CNTNAP2: variants seen among roughly 807,000 people sequenced by gnomAD.
The protein encoded by CNTNAP2 is contactin associated protein 2, also known as contactin-associated protein-like 2.
A neutral mutation model predicts 155.2 loss-of-function variants in CNTNAP2; 98 were observed. The ratio of observed to expected loss-of-function variants is 0.63; its 90% CI spans 0.54 to 0.75. The LOEUF (loss-of-function observed/expected upper bound fraction) is 0.75. CNTNAP2 is among the 30% of genes least tolerant of loss of function. CNTNAP2 has a pLI of 0.00. For synonymous variants in CNTNAP2, 651 were observed against 631.2 expected, an observed-to-expected ratio of 1.03 and a Z score of -0.47; for missense variants, 1,727 against 1,688.1, an observed-to-expected ratio of 1.02 and a Z score of -0.40.
intron 1 of CNTNAP2, among the ~76,000 whole-genome samples, chr7:146,494,420 A>T (rs904717050): frequency 6.6e-6 from 1 of 152,078 alleles, no homozygotes; most frequent in Non-Finnish European, 1.5e-5. Flanking sequence ...TTATGAAAAT[A>T]TTGAATAATA....
At position 147,745,098 on chromosome 7, in the gene CNTNAP2, G is replaced by A. The variant is rs372497343; in HGVS notation, c.2098+105792G>A. 7.2e-5 allele frequency among the ~76,000 whole-genome samples: 11 copies of A among 152,324 alleles called. No individual in the cohort carries two copies. In the East Asian group the frequency reaches 1.2e-3, roughly 16 times the overall value. ...TACTCTAACTCAAAGATCTTGGACT[G>A]AGAATCAGGTTGTTTGTGTTCTAAT... is the stretch of plus-strand genomic sequence containing the variant. On this transcript the variant is annotated intron_variant, in intron 13 of 23. Coordinates refer to ENST00000361727, the MANE Select transcript of CNTNAP2 (RefSeq NM_014141.6).
intron 1 of CNTNAP2, among the ~76,000 whole-genome samples, chr7:146,575,120 A>G (rs969792708): frequency 1.3e-5 from 2 of 152,128 alleles, no homozygotes; most frequent in Non-Finnish European, 2.9e-5. Context: ...TGATACATTT[A>G]CACCCTGGTA....
At chr7:147,745,648 A>C (rs1037421738) in intron 13 of CNTNAP2, among the ~76,000 whole-genome samples, 1 of 152,220 alleles carries the variant, frequency 6.6e-6, no homozygotes, top group African/African-American at 2.4e-5. Context: ...CTTTATAACC[A>C]ATCGAGAAAT....
chr7:147,937,223 G>T (rs1008962042), intron 14 of CNTNAP2, among the ~76,000 whole-genome samples: 2 of 152,138 alleles, frequency 1.3e-5, no homozygotes, highest in South Asian at 4.1e-4. Context: ...TGAATCTTGT[G>T]ATCAGCTACT....
In CNTNAP2 at chr7:147,639,111, A is replaced by G. The variant is rs748626316; in HGVS notation, c.1903A>G (p.Lys635Glu). The G allele has an allele frequency of 1.2e-6, 2 of 1,613,968 alleles. No homozygotes were observed. The highest frequency in any genetic ancestry group is 1.3e-5 in the African/African-American group (1 of 74,926). ...LKVYCNMTED[K>E]VWTIVSHDLQ... Reference sequence around the variant, plus strand: ...GGTTGTTTTTCTCCCCACAGAGGACAAAGTGTGGACCATAGTGTCTCATGA... The same window carrying G: ...GGTTGTTTTTCTCCCCACAGAGGACGAAGTGTGGACCATAGTGTCTCATGA... Residue 635 changes from lysine to glutamate, a missense_variant, in exon 13 of 24, where the codon AAA (lysine) becomes GAA (glutamate). Coordinates refer to ENST00000361727, the MANE Select transcript of CNTNAP2 (RefSeq NM_014141.6).
chr7:147,906,041 C>T (rs977562825), intron 14 of CNTNAP2, among the ~76,000 whole-genome samples: 1 of 152,120 alleles, frequency 6.6e-6, no homozygotes, highest in African/African-American at 2.4e-5. Flanking sequence ...GACACTCGCC[C>T]TTGCATGGTG....
chr7:146,153,283 G>C (rs562975914), intron 1 of CNTNAP2, among the ~76,000 whole-genome samples: 12 of 152,082 alleles, frequency 7.9e-5, no homozygotes, highest in African/African-American at 2.9e-4. Flanking sequence ...ACAGTTACAC[G>C]TTCCAACCAG....
chr7:146,408,722 T>C (rs1331348027), intron 1 of CNTNAP2, among the ~76,000 whole-genome samples: 1 of 151,918 alleles, frequency 6.6e-6, no homozygotes, highest in African/African-American at 2.4e-5. Context: ...TGAATACATA[T>C]GTAACAAACC....
At chr7:147,412,884 G>C (rs1797127782) in intron 10 of CNTNAP2, among the ~76,000 whole-genome samples, 1 of 152,174 alleles carries the variant, frequency 6.6e-6, no homozygotes, top group Non-Finnish European at 1.5e-5. Context: ...CAGAATGCCT[G>C]AGAAAACATT....
chr7:147,980,010 A>T (rs1004968286), intron 15 of CNTNAP2, among the ~76,000 whole-genome samples: 1 of 152,220 alleles, frequency 6.6e-6, no homozygotes, highest in African/African-American at 2.4e-5. Context: ...CTTTATAATT[A>T]ATATTAGCTT....
intron 8 of CNTNAP2, among the ~76,000 whole-genome samples, chr7:147,280,946 G>A (rs1395833548): frequency 6.6e-6 from 1 of 151,454 alleles, no homozygotes; most frequent in Non-Finnish European, 1.5e-5. Context: ...TCTGAAAAGT[G>A]AAAAAAAATC....
intron 1 of CNTNAP2, among the ~76,000 whole-genome samples, chr7:146,720,058 C>T (rs903612544): frequency 2.6e-5 from 4 of 152,074 alleles, no homozygotes; most frequent in Admixed American, 1.3e-4. Context: ...TCAGTTTTCA[C>T]CACTAATTTG....
intron 11 of CNTNAP2, among the ~76,000 whole-genome samples, chr7:147,537,480 T>G (rs1291086369): frequency 3.3e-5 from 5 of 152,140 alleles, no homozygotes; most frequent in Admixed American, 3.3e-4. Context: ...ATTCTCAATG[T>G]AAATGTGGTA....
chr7:147,840,801 T>C (rs1438156557), intron 13 of CNTNAP2, among the ~76,000 whole-genome samples: 4 of 151,948 alleles, frequency 2.6e-5, no homozygotes, highest in Non-Finnish European at 5.9e-5. Context: ...AGACCTTGTC[T>C]AGAATGGGAT....
intron 22 of CNTNAP2, among the ~76,000 whole-genome samples, chr7:148,385,263 C>T (rs574884272): frequency 2.0e-5 from 3 of 152,302 alleles, no homozygotes; most frequent in South Asian, 2.1e-4. Context: ...TAGAACTTGA[C>T]GCGGGGCGCT....
chr7:147,135,197 G>C (rs1801454265), intron 8 of CNTNAP2, among the ~76,000 whole-genome samples: 1 of 151,692 alleles, frequency 6.6e-6, no homozygotes, highest in African/African-American at 2.4e-5. Context: ...TTTCCAAGTT[G>C]TGATTACTGT....
At chr7:147,946,142 G>A (rs919201765) in intron 14 of CNTNAP2, among the ~76,000 whole-genome samples, 1 of 151,936 alleles carries the variant, frequency 6.6e-6, no homozygotes, top group Non-Finnish European at 1.5e-5. Flanking sequence ...TAGCAACTGA[G>A]GTCTGGAAAC....
intron 1 of CNTNAP2, among the ~76,000 whole-genome samples, chr7:146,720,219 A>G (rs1447360408): frequency 3.9e-5 from 6 of 152,010 alleles, no homozygotes; most frequent in Admixed American, 3.9e-4. Flanking sequence ...TTCTGGTTTT[A>G]GTAGTTCTTA....
rs558535489 is a variant in CNTNAP2 at position 146,412,962 on chromosome 7, G to C, written c.97+295989G>C. Among the ~76,000 whole-genome samples, 18 of 152,088 alleles carry C rather than the reference G, an allele frequency of 1.2e-4. No homozygotes were observed. In the East Asian group the frequency reaches 3.5e-3, roughly 29 times the overall value. ...TCAGATAGACTTTTAAATTCCAATC[G>C]TATGAAAATGAAGACCCCCCTCAGT... On this transcript the variant is annotated intron_variant, in intron 1 of 23. Coordinates refer to ENST00000361727, the MANE Select transcript of CNTNAP2 (RefSeq NM_014141.6).
Sources: gnomAD v4.1 joint callset for allele counts (sites outside exome capture counted in the v4.1 genomes callset) on GRCh38, gnomAD v4.1.1 for gene constraint, MANE v1.5 for transcripts, NCBI Gene and HGNC (gene_info 2026-07-23, HGNC 2026-07-21) for gene names.